The following DPP6 variants were observed in gnomAD, a reference collection of about 807,000 sequenced individuals.
DPP6 encodes the protein dipeptidyl peptidase like 6.
Under a neutral mutation model 122.6 loss-of-function variants are expected in DPP6, and 69 were observed. The ratio of observed to expected loss-of-function variants is 0.56; its 90% CI spans 0.46 to 0.69. The LOEUF (loss-of-function observed/expected upper bound fraction) is 0.69, where lower values mean the gene tolerates loss of function less well. DPP6 is among the 30% of genes least tolerant of loss of function. DPP6 has a pLI of 0.00. For missense variants in DPP6, 928 were observed against 1,116.9 expected, an observed-to-expected ratio of 0.83 and a Z score of 2.41; for synonymous variants, 418 against 433.1, an observed-to-expected ratio of 0.97 and a Z score of 0.43.
intron 1 of DPP6, among the ~76,000 whole-genome samples, chr7:154,025,289 T>C (rs1482147708): frequency 6.8e-5 from 9 of 133,052 alleles, no homozygotes; most frequent in African/African-American, 2.6e-4. Flanking sequence ...GTATGTTGAA[T>C]TGGAAAGAGG....
At chr7:154,234,165 G>A (rs1392161796) in intron 1 of DPP6, among the ~76,000 whole-genome samples, 1 of 152,200 alleles carries the variant, frequency 6.6e-6, no homozygotes, top group Non-Finnish European at 1.5e-5. Context: ...CAGGAAGGCA[G>A]GTTCAGATAG....
chr7:154,500,326 G>A (rs1359456017), intron 3 of DPP6, among the ~76,000 whole-genome samples: 1 of 152,158 alleles, frequency 6.6e-6, no homozygotes, highest in Non-Finnish European at 1.5e-5. Flanking sequence ...GATGACTTTT[G>A]TTATGGGAAT....
intron 8 of DPP6, among the ~76,000 whole-genome samples, chr7:154,751,875 A>G (rs1843412519): frequency 6.6e-6 from 1 of 151,618 alleles, no homozygotes; most frequent in African/African-American, 2.4e-5. Flanking sequence ...ATGCTGGGGG[A>G]GGGGAAGGAG....
At chr7:154,093,206 CCACATCATA>C (rs144236854) in intron 1 of DPP6, among the ~76,000 whole-genome samples, 5,758 of 149,788 alleles carry the variant, frequency 0.038, 392 homozygotes, top group African/African-American at 0.13. Context: ...AACTTACATA[CCACATCATA>C]CACATCATAC....
At chr7:154,730,673 T>A (rs1256381863) in intron 8 of DPP6, among the ~76,000 whole-genome samples, 1 of 152,208 alleles carries the variant, frequency 6.6e-6, no homozygotes, top group African/African-American at 2.4e-5. Context: ...AGAAATTGTC[T>A]GACCTGAAAA....
chr7:154,222,908 A>G (rs1478249423), intron 1 of DPP6, among the ~76,000 whole-genome samples: 1 of 148,750 alleles, frequency 6.7e-6, no homozygotes, highest in Admixed American at 6.6e-5. Flanking sequence ...AGGTCATGGG[A>G]AGGCTTTTTG....
chr7:154,891,772 G>A (rs1328067928), intron 25 of DPP6, among the ~76,000 whole-genome samples: 1 of 152,136 alleles, frequency 6.6e-6, no homozygotes, highest in Non-Finnish European at 1.5e-5. Context: ...TTTTAGTAGA[G>A]ACACGGTTTT....
chr7:153,945,943 C>G (rs11975461), intron 1 of DPP6, among the ~76,000 whole-genome samples: 32,000 of 152,134 alleles, frequency 0.21, 3,585 homozygotes, highest in Middle Eastern at 0.3. Flanking sequence ...GTGGAGCACA[C>G]TGGAATGTGT....
intron 7 of DPP6, among the ~76,000 whole-genome samples, chr7:154,718,118 GTTGT>G (rs1197476515): frequency 6.6e-6 from 1 of 152,078 alleles, no homozygotes; most frequent in African/African-American, 2.4e-5. Context: ...TTGCTATTGA[GTTGT>G]TTGAGTTCCT....
intron 1 of DPP6, among the ~76,000 whole-genome samples, chr7:154,335,083 C>T (rs1466571686): frequency 6.6e-6 from 1 of 152,082 alleles, no homozygotes; most frequent in Admixed American, 6.5e-5. Context: ...GGAAAACAGG[C>T]AGGTAATTTG....
chr7:154,088,816 T>C (rs1209335897), intron 1 of DPP6, among the ~76,000 whole-genome samples: 4 of 152,214 alleles, frequency 2.6e-5, no homozygotes, highest in South Asian at 2.1e-4. Context: ...CTCTCTGATA[T>C]ACGGTAGCCT....
chr7:153,925,803 G>A (rs1232388889), intron 1 of DPP6, among the ~76,000 whole-genome samples: 14 of 152,218 alleles, frequency 9.2e-5, no homozygotes, highest in African/African-American at 3.4e-4. Flanking sequence ...TAATCTTTCT[G>A]AGCCTCTGTT....
intron 1 of DPP6, among the ~76,000 whole-genome samples, chr7:154,243,111 G>A (rs1009625804): frequency 2.6e-5 from 4 of 152,180 alleles, no homozygotes; most frequent in African/African-American, 9.6e-5. Context: ...TGACCAAAAA[G>A]ATCAGTTGGT....
the DPP6 span, among the ~76,000 whole-genome samples, chr7:153,822,235 G>T: frequency 7.1e-6 from 1 of 140,484 alleles, no homozygotes; most frequent in Non-Finnish European, 1.5e-5. Context: ...TGTCCCCCAG[G>T]CTGGAGTGCA....
intron 16 of DPP6, among the ~76,000 whole-genome samples, chr7:154,828,593 G>A (rs1227958293): frequency 2.0e-5 from 3 of 152,196 alleles, no homozygotes; most frequent in Non-Finnish European, 4.4e-5. Flanking sequence ...ATATATTCCA[G>A]CGGGCTACAT....
intron 4 of DPP6, among the ~76,000 whole-genome samples, chr7:154,562,496 A>C (rs570480236): frequency 2.0e-5 from 3 of 152,288 alleles, no homozygotes; most frequent in African/African-American, 7.2e-5. Flanking sequence ...ATCATACTTA[A>C]TGGAGAAGAA....
rs778462374 is a variant in DPP6 at position 154,618,651 on chromosome 7, C to T, written c.628-19170C>T. 1.3e-5 allele frequency among the ~76,000 whole-genome samples: 2 copies of T among 152,204 alleles called. No individual in the cohort carries two copies. The highest frequency in any genetic ancestry group is 2.9e-5 in the Non-Finnish European group (2 of 68,034). ...GAAGCCGGGGCCACAGCCCAGCTTC[C>T]ACCCTCCTGATGGGGACCATATCCA... On this transcript the variant is annotated intron_variant, in intron 5 of 25. Transcript: ENST00000377770. The surrounding 1 kb of genome is among the most constrained non-coding windows in gnomAD (Gnocchi z 4.1).
Position 154,269,104 on chromosome 7 carries a change from G to T in DPP6, c.244-177110G>T, listed in dbSNP as rs565660202. On this transcript the variant is annotated intron_variant, in intron 1 of 25. Coordinates refer to ENST00000377770, the MANE Select transcript of DPP6 (RefSeq NM_130797.4). Reference sequence around the variant, plus strand: ...TGTTAGCTGTCATTTTTAAGCCCCTGTGATATCCCATGTGATCCAAAAGAC... The same window carrying T: ...TGTTAGCTGTCATTTTTAAGCCCCTTTGATATCCCATGTGATCCAAAAGAC... Among the ~76,000 whole-genome samples the T allele has an allele frequency of 6.6e-5, 10 of 150,900 alleles. No individual in the cohort carries two copies. The East Asian group carries it at 1.8e-3, about 27-fold the overall frequency.
At chr7:154,346,458 C>A (rs1810404624) in intron 1 of DPP6, among the ~76,000 whole-genome samples, 1 of 152,158 alleles carries the variant, frequency 6.6e-6, no homozygotes, top group Admixed American at 6.5e-5. Flanking sequence ...AGGCACTCAC[C>A]ACCATGCCCG....
Sources: allele counts gnomAD v4.1 joint callset (sites outside exome capture counted in the v4.1 genomes callset), GRCh38; gene constraint gnomAD v4.1.1; non-coding constraint Gnocchi (gnomAD v3.1); transcripts MANE v1.5; gene names NCBI Gene and HGNC (gene_info 2026-07-23, HGNC 2026-07-21).